Variants in ADAMTS12 observed in about 807,000 individuals in gnomAD.
The protein encoded by ADAMTS12 is A disintegrin and metalloproteinase with thrombospondin motifs 12.
Under a neutral mutation model 167.8 loss-of-function variants are expected in ADAMTS12, and 118 were observed. That is an observed-to-expected ratio of 0.70 (90% CI 0.61 to 0.82). The LOEUF (loss-of-function observed/expected upper bound fraction) is 0.82, where lower values mean the gene tolerates loss of function less well. Ranked by LOEUF, ADAMTS12 falls within the 40% of genes least tolerant of loss-of-function variation. The pLI is 0.00. For synonymous variants in ADAMTS12, 704 were observed against 716.9 expected, an observed-to-expected ratio of 0.98 and a Z score of 0.29; for missense variants, 1,916 against 1,998.8, an observed-to-expected ratio of 0.96 and a Z score of 0.79.
intron 23 of ADAMTS12, among the ~76,000 whole-genome samples, chr5:33,527,580 C>T (rs1185495369): frequency 6.6e-6 from 1 of 152,118 alleles, no homozygotes; most frequent in African/African-American, 2.4e-5. Context: ...TTCTTCACTC[C>T]CATGTAATTG....
chr5:33,531,329 T>C (rs1463588275), intron 23 of ADAMTS12, among the ~76,000 whole-genome samples: 3 of 152,224 alleles, frequency 2.0e-5, no homozygotes, highest in African/African-American at 4.8e-5. Context: ...TGTGTGCTTG[T>C]AGCCCAGGAA....
intron 7 of ADAMTS12, among the ~76,000 whole-genome samples, chr5:33,653,017 T>C (rs1740924522): frequency 6.6e-6 from 1 of 152,170 alleles, no homozygotes; most frequent in South Asian, 2.1e-4. Context: ...TTTTATTTCC[T>C]TTCCTTATCT....
At chr5:33,742,084 C>A (rs1744611157) in intron 3 of ADAMTS12, among the ~76,000 whole-genome samples, 1 of 152,110 alleles carries the variant, frequency 6.6e-6, no homozygotes, top group Admixed American at 6.5e-5. Context: ...TCTAATTTGA[C>A]AGGTTCAGAG....
At chr5:33,590,160 A>T (rs966885581) in intron 17 of ADAMTS12, among the ~76,000 whole-genome samples, 6 of 152,244 alleles carry the variant, frequency 3.9e-5, no homozygotes, top group African/African-American at 1.4e-4. Flanking sequence ...TGCCATTCTG[A>T]AAAGGTCTTA....
At chr5:33,672,484 C>T (rs1741745487) in intron 5 of ADAMTS12, among the ~76,000 whole-genome samples, 1 of 152,174 alleles carries the variant, frequency 6.6e-6, no homozygotes, top group South Asian at 2.1e-4. Context: ...GTTGAAGCAG[C>T]TACACAGGCA....
At chr5:33,786,914 T>C (rs1023555027) in intron 2 of ADAMTS12, among the ~76,000 whole-genome samples, 1 of 152,198 alleles carries the variant, frequency 6.6e-6, no homozygotes, top group Non-Finnish European at 1.5e-5. Context: ...TGGTGGGGAT[T>C]CTGGTCCATC....
chr5:33,605,555 TGAA>T (rs1327837493), intron 16 of ADAMTS12, among the ~76,000 whole-genome samples: 1 of 152,120 alleles, frequency 6.6e-6, no homozygotes, highest in Non-Finnish European at 1.5e-5. Flanking sequence ...AGGACACAGT[TGAA>T]GAGTAAGTGA....
At chr5:33,827,908 T>C (rs1451666343) in intron 2 of ADAMTS12, among the ~76,000 whole-genome samples, 1 of 152,194 alleles carries the variant, frequency 6.6e-6, no homozygotes, top group Non-Finnish European at 1.5e-5. Flanking sequence ...GGGTTCCTTC[T>C]AACTGCTACA....
intron 2 of ADAMTS12, among the ~76,000 whole-genome samples, chr5:33,874,262 A>G (rs937327766): frequency 3.3e-5 from 5 of 152,252 alleles, no homozygotes; most frequent in Non-Finnish European, 5.9e-5. Flanking sequence ...AAACTAGAAC[A>G]AAGACCTTAA....
At chr5:33,659,018 G>A (rs1447098909) in intron 6 of ADAMTS12, among the ~76,000 whole-genome samples, 5 of 152,146 alleles carry the variant, frequency 3.3e-5, no homozygotes, top group South Asian at 4.2e-4. Flanking sequence ...TAGTCACTAG[G>A]TTTTCTTTAG....
chr5:33,624,395 G>A, intron 13 of ADAMTS12, 44 bp from the exon 14 acceptor site: 3 of 1,611,550 alleles, frequency 1.9e-6, no homozygotes, highest in Non-Finnish European at 2.5e-6. Flanking sequence ...GGCAGGGGAT[G>A]CCACTCTTGC....
At chr5:33,676,547 C>T (rs1023286494) in intron 5 of ADAMTS12, among the ~76,000 whole-genome samples, 13 of 151,660 alleles carry the variant, frequency 8.6e-5, no homozygotes, top group African/African-American at 2.2e-4. Context: ...AGCTAGGCAT[C>T]GTTGCAAGTG....
intron 3 of ADAMTS12, among the ~76,000 whole-genome samples, chr5:33,724,798 G>A (rs1561236569): frequency 3.3e-5 from 5 of 151,982 alleles, no homozygotes; most frequent in African/African-American, 9.7e-5. Context: ...TGATCCACCC[G>A]CCTCGGCCTC....
intron 2 of ADAMTS12, 98 bp from the exon 3 acceptor site, chr5:33,751,646 C>T: frequency 8.4e-7 from 1 of 1,194,144 alleles, no homozygotes. Flanking sequence ...ATCTCTGAAA[C>T]TCCTAAGACC....
chr5:33,608,394 A>C (rs1320641375), intron 16 of ADAMTS12, among the ~76,000 whole-genome samples: 1 of 152,230 alleles, frequency 6.6e-6, no homozygotes, highest in African/African-American at 2.4e-5. Flanking sequence ...CAAGCTAATA[A>C]GATTTTAATG....
At chr5:33,644,946 G>A (rs577740225) in intron 9 of ADAMTS12, among the ~76,000 whole-genome samples, 205 of 152,170 alleles carry the variant, frequency 1.3e-3, no homozygotes, top group Admixed American at 3.9e-3. Context: ...TAGCCAGGAT[G>A]GTCTTGATCT....
chr5:33,550,924 G>A (rs1745228043), intron 20 of ADAMTS12, among the ~76,000 whole-genome samples: 1 of 152,132 alleles, frequency 6.6e-6, no homozygotes, highest in Non-Finnish European at 1.5e-5. Flanking sequence ...AGGGCTCCCA[G>A]TGGGCTAAAG....
chr5:33,699,919 G>GT (rs1176799919), intron 3 of ADAMTS12, among the ~76,000 whole-genome samples: 1 of 152,082 alleles, frequency 6.6e-6, no homozygotes, highest in Admixed American at 6.6e-5. Context: ...AGGATATCCA[G>GT]ATGTCAAAAA....
chr5:33,587,763 A>G (rs1747428801), intron 18 of ADAMTS12, among the ~76,000 whole-genome samples: 1 of 152,214 alleles, frequency 6.6e-6, no homozygotes, highest in Non-Finnish European at 1.5e-5. Flanking sequence ...TCATGGAAGC[A>G]TACGGCTTCT....
Sources: allele counts gnomAD v4.1 joint callset (sites outside exome capture counted in the v4.1 genomes callset), GRCh38; gene constraint gnomAD v4.1.1; transcripts MANE v1.5; gene names NCBI Gene and HGNC (gene_info 2026-07-23, HGNC 2026-07-21).